KDM5B: variants seen among roughly 807,000 people sequenced by gnomAD.
KDM5B encodes the protein lysine-specific demethylase 5B.
A neutral mutation model predicts 193.4 loss-of-function variants in KDM5B; 144 were observed. The ratio of observed to expected loss-of-function variants is 0.74; its 90% CI spans 0.65 to 0.86. The LOEUF is 0.86. Ranked by LOEUF, KDM5B falls within the 40% of genes least tolerant of loss-of-function variation. KDM5B has a pLI of 0.00. For missense variants in KDM5B, 1,833 were observed against 1,886.9 expected (o/e 0.97, Z 0.53); for synonymous variants, 668 against 682.6 (o/e 0.98, Z 0.33).
At chr1:202,790,835 G>A in intron 1 of KDM5B, among the ~76,000 whole-genome samples, 1 of 152,128 alleles carries the variant, frequency 6.6e-6, no homozygotes, top group Non-Finnish European at 1.5e-5. Flanking sequence ...CTTGAAAGTG[G>A]AGACCAGGCC....
At position 202,793,322 on chromosome 1, in the gene KDM5B, T is replaced by C. The variant is rs148457318; in HGVS notation, c.204+14780A>G. Among the ~76,000 whole-genome samples, 4 of 152,354 alleles carry C rather than the reference T, an allele frequency of 2.6e-5. No homozygotes were observed. In the East Asian group the frequency reaches 7.7e-4, roughly 29 times the overall value. On this transcript the variant is annotated intron_variant, in intron 1 of 26. Coordinates refer to ENST00000367265, the MANE Select transcript of KDM5B (RefSeq NM_006618.5). ...ATATGCAAAAATAATAGATTCATAA[T>C]TTCCCATTAATCATCTCATGAAATC...
At chr1:202,781,375 T>C (rs968997200) in intron 1 of KDM5B, among the ~76,000 whole-genome samples, 2 of 152,256 alleles carry the variant, frequency 1.3e-5, no homozygotes, top group African/African-American at 2.4e-5. Context: ...CCGCCGGTGA[T>C]GCATGATAAA....
chr1:202,736,587 T>C (rs1375696770), intron 20 of KDM5B, among the ~76,000 whole-genome samples, 195 bp from the exon 21 acceptor site: 1 of 152,064 alleles, frequency 6.6e-6, no homozygotes, highest in East Asian at 1.9e-4. Context: ...GTTCCTTCAT[T>C]ACACAAACAG....
In KDM5B at chr1:202,731,025, G is replaced by A; in HGVS notation, c.4060C>T (p.Gln1354Ter). Residue 1354 changes from glutamine to a stop codon, truncating the protein, a stop_gained, in exon 25 of 27, where the codon CAG (glutamine) becomes TAG (stop). Coordinates refer to ENST00000367265, the MANE Select transcript of KDM5B (RefSeq NM_006618.5). LOFTEE classifies it high-confidence loss of function. The part of the protein sequence containing the change: ...PEVNELLMEA[Q>*]LLQVSLPEIQ... The stretch of plus-strand genomic sequence containing the variant: ...TCAGGAAGGGATACCTGGAGCAGCT[G>A]GGCTTCCATCAATAGTTCATTCACT... 6.2e-7 allele frequency: 1 copy of A among 1,613,466 alleles called. No homozygotes were observed. Among genetic ancestry groups the A allele is most frequent in the Non-Finnish European group, 8.5e-7 (1 of 1,179,618 alleles).
intron 1 of KDM5B, among the ~76,000 whole-genome samples, chr1:202,797,931 C>T (rs1657916485): frequency 6.6e-6 from 1 of 152,356 alleles, no homozygotes; most frequent in African/African-American, 2.4e-5. Context: ...TGGCTTGTGC[C>T]TGTAATCCCA....
At position 202,745,839 on chromosome 1, in the gene KDM5B, C is replaced by A; in HGVS notation, c.2323+19G>T. 4 of 1,613,590 alleles carry A rather than the reference C, an allele frequency of 2.5e-6. No individual in the cohort carries two copies. In the South Asian group the frequency reaches 4.4e-5, roughly 18 times the overall value. ...AGCCCCAATTTGCCAATCACCAAGT[C>A]ACTTTCTGTATCACATACTTTTCTT... On this transcript the variant is annotated intron_variant, in intron 16 of 26. Transcript: ENST00000367265.
intron 1 of KDM5B, among the ~76,000 whole-genome samples, chr1:202,781,301 AAAAT>A (rs1657187860): frequency 6.6e-6 from 1 of 152,214 alleles, no homozygotes; most frequent in Non-Finnish European, 1.5e-5. Context: ...ACCTAGCTCT[AAAAT>A]AAATACATAA....
At position 202,728,824 on chromosome 1, in the gene KDM5B, T is replaced by G; in HGVS notation, c.*212A>C. ...AACCTCAACAACCACAAATAGCTCT[T>G]AAGGAAAAAATACAAAAAGTGTCAA... On this transcript the variant is annotated 3_prime_UTR_variant, in exon 27 of 27. Transcript: ENST00000367265. The G allele has an allele frequency of 1.9e-6, 1 of 534,216 alleles. No individual in the cohort carries two copies. The highest frequency in any genetic ancestry group is 3.2e-6 in the Non-Finnish European group (1 of 311,844). The allele number at this position is 534,216 out of a possible 1,614,324, so 33.1% of individuals were successfully genotyped here.
intron 20 of KDM5B, among the ~76,000 whole-genome samples, chr1:202,738,815 A>T (rs1438442957): frequency 1.3e-5 from 2 of 152,202 alleles, no homozygotes; most frequent in Non-Finnish European, 2.9e-5. Context: ...AAACTGGGAA[A>T]ATCATATTAA....
chr1:202,727,987 G>C lies in KDM5B; in HGVS notation c.*1049C>G, dbSNP rs571474663. 1.3e-5 allele frequency: 2 copies of C among 152,722 alleles called. No individual in the cohort carries two copies. The highest frequency in any genetic ancestry group is 2.9e-5 in the Non-Finnish European group (2 of 68,034). The allele number at this position is 152,722 out of a possible 1,614,324, so 9.5% of individuals were successfully genotyped here. A position where few individuals can be genotyped will look rare whatever the true frequency, so the allele number is the denominator to read the frequency against. On this transcript the variant is annotated 3_prime_UTR_variant, in exon 27 of 27. Coordinates refer to ENST00000367265, the MANE Select transcript of KDM5B (RefSeq NM_006618.5). ...AGGTTCTAGTCCTTGAAGACAGAGGGGTTCTTTGTTAGTGAGGGCTGTAGG... is the reference window on the plus strand; with the variant it reads ...AGGTTCTAGTCCTTGAAGACAGAGGCGTTCTTTGTTAGTGAGGGCTGTAGG...
rs1232074779 is a variant in KDM5B, at chr1:202,726,938, A to G, written c.*2098T>C. The G allele has an allele frequency of 1.3e-5, 2 of 152,248 alleles. No individual in the cohort carries two copies. Among genetic ancestry groups the G allele is most frequent in the Non-Finnish European group, 2.9e-5 (2 of 68,052 alleles). The allele number at this position is 152,248 out of a possible 1,614,324, so 9.4% of individuals were successfully genotyped here. On this transcript the variant is annotated 3_prime_UTR_variant, in exon 27 of 27. Transcript: ENST00000367265. ...CTCTTTAAATTCAGCATCATCACAC[A>G]TAAAATGATCAGTGGTTCTCATCCA...
rs767953294 is a variant in KDM5B at position 202,736,337 on chromosome 1, C to A, written c.3140G>T (p.Arg1047Leu). Reference sequence around the variant, plus strand: ...AGAATTCAGATGTACGGGGATAGATCGGCCTCGTGTAACAAGTTCTATGAG... The same window carrying A: ...AGAATTCAGATGTACGGGGATAGATAGGCCTCGTGTAACAAGTTCTATGAG... ...DTLIELVTRG[R>L]SIPVHLNSLP... is the part of the protein sequence containing the mutation. Residue 1047 changes from arginine (R) to leucine (L), a missense_variant, in exon 21 of 27, where the codon CGA (arginine) becomes CTA (leucine). Coordinates refer to ENST00000367265, the MANE Select transcript of KDM5B (RefSeq NM_006618.5). 2 of 1,611,818 alleles carry A rather than the reference C, an allele frequency of 1.2e-6. No homozygotes were observed. Among genetic ancestry groups the A allele is most frequent in the Admixed American group, 1.7e-5 (1 of 59,670 alleles).
rs148434113 is a variant in KDM5B, at chr1:202,756,381, T to C, written c.1333A>G (p.Ile445Val). 2.5e-4 allele frequency: 409 copies of C among 1,611,464 alleles called. 3 individuals are homozygous for C. In the African/African-American group the frequency reaches 4.9e-3, roughly 19 times the overall value. Residue 445 changes from isoleucine to valine, a missense_variant, in exon 10 of 27, where the codon ATC (isoleucine) becomes GTC (valine). Physicochemically the swap from Ile to Val is conservative, Grantham distance 29 (BLOSUM62 3). Transcript: ENST00000367265. ...ACCTCTTCCTCAGGTGAGAGTTTGA[T>C]TTTCCCATCTCGGACAGGAAAGCCA... The part of the protein sequence containing the change: ...GSGFPVRDGK[I>V]KLSPEEEEYL...
At position 202,745,844 on chromosome 1, in the gene KDM5B, T is replaced by G. The variant is rs774689936; in HGVS notation, c.2323+14A>C. ...CAATTTGCCAATCACCAAGTCACTT[T>G]CTGTATCACATACTTTTCTTCTTGT... On this transcript the variant is annotated intron_variant, in intron 16 of 26. Transcript: ENST00000367265. The G allele has an allele frequency of 1.2e-6, 2 of 1,613,820 alleles. No individual in the cohort carries two copies. The highest frequency in any genetic ancestry group is 1.7e-6 in the Non-Finnish European group (2 of 1,179,748).
intron 26 of KDM5B, chr1:202,729,385 G>A (rs1244692315): frequency 3.2e-6 from 2 of 632,426 alleles, no homozygotes; most frequent in African/African-American, 3.7e-5. Flanking sequence ...TGTCTGCTTT[G>A]GGGTTAAGAC....
intron 1 of KDM5B, among the ~76,000 whole-genome samples, chr1:202,804,796 G>C (rs1217688207): frequency 6.6e-6 from 1 of 151,494 alleles, no homozygotes; most frequent in Non-Finnish European, 1.5e-5. Context: ...GATCACCTGA[G>C]GTCGGGAGGC....
At chr1:202,762,462 C>T (rs775925206) in intron 7 of KDM5B, among the ~76,000 whole-genome samples, 1 of 152,160 alleles carries the variant, frequency 6.6e-6, no homozygotes, top group African/African-American at 2.4e-5. Flanking sequence ...TCCAGAAAAT[C>T]GCAGTCAATG....
chr1:202,791,686 C>G (rs927621594), intron 1 of KDM5B, among the ~76,000 whole-genome samples: 9 of 152,126 alleles, frequency 5.9e-5, no homozygotes, highest in African/African-American at 2.2e-4. Context: ...GCTAATCTTT[C>G]TCACCAGTCA....
chr1:202,757,686 A>G (rs2102266650), intron 9 of KDM5B, among the ~76,000 whole-genome samples: 1 of 152,316 alleles, frequency 6.6e-6, no homozygotes, highest in Middle Eastern at 3.4e-3. Flanking sequence ...CTGGGGAAAA[A>G]CAAATTCACT....
Sources: allele counts gnomAD v4.1 joint callset (sites outside exome capture counted in the v4.1 genomes callset), GRCh38; gene constraint gnomAD v4.1.1; transcripts MANE v1.5; gene names NCBI Gene and HGNC (gene_info 2026-07-23, HGNC 2026-07-21).